Variants in SH3PXD2B observed in about 807,000 individuals in gnomAD.
SH3PXD2B encodes SH3 and PX domains 2B.
A neutral mutation model predicts 73.1 loss-of-function variants in SH3PXD2B; 37 were observed. The observed-to-expected ratio is 0.51, with a 90% CI of 0.39 to 0.67. The LOEUF is 0.67. SH3PXD2B is among the 30% of genes least tolerant of loss of function. The pLI is 0.00. For synonymous variants in SH3PXD2B, 457 were observed against 480.5 expected (o/e 0.95, Z 0.64); for missense variants, 1,053 against 1,197.8 (o/e 0.88, Z 1.78).
At chr5:172,423,763 C>G (rs1316918945) in intron 1 of SH3PXD2B, among the ~76,000 whole-genome samples, 3 of 152,156 alleles carry the variant, frequency 2.0e-5, no homozygotes, top group African/African-American at 7.2e-5. Context: ...GTGCTTTAGC[C>G]TCCCGAGTAG....
At chr5:172,403,318 A>C (rs1758475472) in intron 3 of SH3PXD2B, among the ~76,000 whole-genome samples, 1 of 152,208 alleles carries the variant, frequency 6.6e-6, no homozygotes, top group Non-Finnish European at 1.5e-5. Context: ...CCTTTGTGCT[A>C]ACATGAGACT....
chr5:172,371,064 T>C (rs558415691), intron 6 of SH3PXD2B, among the ~76,000 whole-genome samples: 76 of 152,254 alleles, frequency 5.0e-4, no homozygotes, highest in Non-Finnish European at 9.4e-4. Flanking sequence ...ATTTTTATTA[T>C]CAAGTGTTAT....
At chr5:172,422,560 CA>C in intron 1 of SH3PXD2B, 64 bp from the exon 2 acceptor site, 1 of 1,457,218 alleles carries the variant, frequency 6.9e-7, no homozygotes, top group Non-Finnish European at 9.4e-7. Flanking sequence ...CTCTGGGACC[CA>C]GGGGGAGCAC....
chr5:172,341,105 G>A (rs531819880), intron 12 of SH3PXD2B, among the ~76,000 whole-genome samples: 1 of 152,166 alleles, frequency 6.6e-6, no homozygotes. Context: ...GTCCAGCACT[G>A]CGTGGCTGAA....
intron 5 of SH3PXD2B, among the ~76,000 whole-genome samples, chr5:172,378,362 A>C (rs536264611): frequency 5.8e-4 from 89 of 152,366 alleles, no homozygotes; most frequent in African/African-American, 2.1e-3. Context: ...GTCCATGTAC[A>C]GGATTCTGCA....
intron 6 of SH3PXD2B, among the ~76,000 whole-genome samples, chr5:172,368,502 A>ATATATAAAATATATATTTAATATATG (rs1757590270): frequency 2.5e-5 from 1 of 39,512 alleles, no homozygotes; most frequent in East Asian, 1.2e-3. Flanking sequence ...TATATTATAT[A>ATATATAAAATATATATTTAATATATG]TATATATATA....
chr5:172,359,498 C>G (rs1257507216), intron 7 of SH3PXD2B, among the ~76,000 whole-genome samples: 1 of 152,012 alleles, frequency 6.6e-6, no homozygotes, highest in Non-Finnish European at 1.5e-5. Context: ...ATCCCAACTG[C>G]ACACATGAGG....
intron 5 of SH3PXD2B, among the ~76,000 whole-genome samples, chr5:172,379,069 CAA>C (rs61301407): frequency 0.36 from 26,728 of 74,780 alleles, 2,271 homozygotes; most frequent in East Asian, 0.6. Flanking sequence ...GACTCTGTCT[CAA>C]AAAAAAAAAA....
intron 1 of SH3PXD2B, among the ~76,000 whole-genome samples, chr5:172,431,455 G>A (rs2113482933): frequency 6.6e-6 from 1 of 152,338 alleles, no homozygotes; most frequent in Non-Finnish European, 1.5e-5. Flanking sequence ...CCCGCCCACC[G>A]GAGGCTACTA....
Position 172,338,729 on chromosome 5 carries a change from G to A in SH3PXD2B, c.2376C>T (p.Pro792=). The change falls in exon 13 of 13, where the codon CCC becomes CCT. Residue 792 remains proline (P), a synonymous_variant. Transcript: ENST00000311601. The surrounding 1 kb of genome is among the most constrained non-coding windows in gnomAD (Gnocchi z 5.1). ...QCEGHESRAA[P]TPGRALLVPP... ...GGACGAGGAGAGCACGGCCTGGGGT[G>A]GGAGCTGCCCTGCTTTCGTGGCCTT... 1 of 1,614,212 alleles carries A rather than the reference G, an allele frequency of 6.2e-7. No individual in the cohort carries two copies. Among genetic ancestry groups the A allele is most frequent in the Non-Finnish European group, 8.5e-7 (1 of 1,180,042 alleles).
chr5:172,380,963 C>T (rs919695441), intron 5 of SH3PXD2B, among the ~76,000 whole-genome samples: 6 of 152,208 alleles, frequency 3.9e-5, no homozygotes, highest in African/African-American at 7.2e-5. Context: ...TTTTGGAGGT[C>T]GCTGTGTGTG....
chr5:172,373,947 C>T, intron 5 of SH3PXD2B, 132 bp from the exon 6 acceptor site: 1 of 979,974 alleles, frequency 1.0e-6, no homozygotes, highest in South Asian at 1.5e-5. Context: ...AAAATCCAGG[C>T]CAACTAGAGG....
At chr5:172,348,995 G>A (rs980793048) in intron 10 of SH3PXD2B, among the ~76,000 whole-genome samples, 4 of 152,144 alleles carry the variant, frequency 2.6e-5, no homozygotes, top group Admixed American at 2.6e-4. Context: ...TTACAGTCGT[G>A]AGCCACTGTG....
At chr5:172,361,108 T>C (rs1377388827) in intron 7 of SH3PXD2B, among the ~76,000 whole-genome samples, 9 of 151,926 alleles carry the variant, frequency 5.9e-5, no homozygotes, top group Non-Finnish European at 1.3e-4. Flanking sequence ...TACATATATA[T>C]ACATACAAAA....
intron 3 of SH3PXD2B, among the ~76,000 whole-genome samples, chr5:172,396,158 A>AC (rs1351678213): frequency 7.0e-5 from 10 of 142,742 alleles, no homozygotes; most frequent in Non-Finnish European, 1.4e-4. Flanking sequence ...TTTGAGACCA[A>AC]CCTGGCCAAC....
chr5:172,335,776 CCCA>C lies in SH3PXD2B; in HGVS notation c.*2590_*2592del. Reference sequence around the variant, plus strand: ...CTAGGAGAGTGACTGGCCACCCTGACCCACCCACTGCCTGGGGAAGTGTCTACC... The same window carrying C: ...CTAGGAGAGTGACTGGCCACCCTGACCCCACTGCCTGGGGAAGTGTCTACC... On this transcript the variant is annotated 3_prime_UTR_variant, in exon 13 of 13. Transcript: ENST00000311601. The C allele has an allele frequency of 8.1e-7, 1 of 1,230,388 alleles. No homozygotes were observed. 76.2% of individuals were successfully genotyped at this position (1,230,388 alleles called of 1,614,324 possible). A position where few individuals can be genotyped will look rare whatever the true frequency, so the allele number is the denominator to read the frequency against.
chr5:172,335,934 CA>C lies in SH3PXD2B; in HGVS notation c.*2434del. On this transcript the variant is annotated 3_prime_UTR_variant, in exon 13 of 13. Transcript: ENST00000311601. ...GTCAGAATAATCATCATCATCATAGCAAAAGAGAATGGCAGATTCTTTCATT... is the reference window on the plus strand; with the variant it reads ...GTCAGAATAATCATCATCATCATAGCAAAGAGAATGGCAGATTCTTTCATT... 8.6e-7 allele frequency: 1 copy of C among 1,158,154 alleles called. No homozygotes were observed. The highest frequency in any genetic ancestry group is 1.1e-6 in the Non-Finnish European group (1 of 941,964). 71.7% of individuals were successfully genotyped at this position (1,158,154 alleles called of 1,614,324 possible). A position where few individuals can be genotyped will look rare whatever the true frequency, so the allele number is the denominator to read the frequency against.
chr5:172,387,795 T>G (rs1018921884), intron 4 of SH3PXD2B, among the ~76,000 whole-genome samples: 4 of 152,222 alleles, frequency 2.6e-5, no homozygotes, highest in African/African-American at 9.7e-5. Context: ...GTTCTTAAAT[T>G]TAATGTATTC....
chr5:172,394,606 T>C lies in SH3PXD2B; in HGVS notation c.266A>G (p.Asp89Gly). 6.2e-7 allele frequency: 1 copy of C among 1,614,152 alleles called. No homozygotes were observed. Among genetic ancestry groups the C allele is most frequent in the Non-Finnish European group, 8.5e-7 (1 of 1,180,010 alleles). Reference protein sequence around the residue: ...KILFRRSHIRDVAVKRLIPID... With the variant: ...KILFRRSHIRGVAVKRLIPID... Reference sequence around the variant, plus strand: ...TGGTATCAGGCGTTTGACAGCCACGTCCCGGATGTGGCTTCGTCTGAAGAG... The same window carrying C: ...TGGTATCAGGCGTTTGACAGCCACGCCCCGGATGTGGCTTCGTCTGAAGAG... The change falls in exon 4 of 13, where the codon GAC becomes GGC. Residue 89 changes from aspartate (D) to glycine (G), a missense_variant. Coordinates refer to ENST00000311601, the MANE Select transcript of SH3PXD2B (RefSeq NM_001017995.3).
Sources: gnomAD v4.1 joint callset for allele counts (sites outside exome capture counted in the v4.1 genomes callset) on GRCh38, gnomAD v4.1.1 for gene constraint, Gnocchi (gnomAD v3.1) non-coding constraint, MANE v1.5 for transcripts, NCBI Gene and HGNC (gene_info 2026-07-23, HGNC 2026-07-21) for gene names.